The following RPS19 variants were observed in gnomAD, a reference collection of about 807,000 sequenced individuals.
RPS19 encodes the protein ribosomal protein S19.
Under a neutral mutation model 20.3 loss-of-function variants are expected in RPS19, and 1 was observed. The ratio of observed to expected loss-of-function variants is 0.05; its 90% CI spans 0.02 to 0.23. The LOEUF is 0.23. Among genes scored for constraint, RPS19 ranks in the 10% least tolerant of loss-of-function variants. The pLI is 1.00. For synonymous variants in RPS19, 87 were observed against 74.8 expected (o/e 1.16, Z -0.84); for missense variants, 111 against 192.7 (o/e 0.58, Z 2.51).
In RPS19 at chr19:41,868,755, G is replaced by A. The variant is rs1232315876; in HGVS notation, c.173-276G>A. On this transcript the variant is annotated intron_variant, in intron 3 of 5. Coordinates refer to ENST00000598742, the MANE Select transcript of RPS19 (RefSeq NM_001022.4). ...TAGGCTCCACCCCTACATAACCTCA[G>A]GTTCAATTCAACAGCAGTGCTGCTG... Among the ~76,000 whole-genome samples the A allele has an allele frequency of 4.6e-5, 7 of 152,264 alleles. 1 individual carries two copies. The highest frequency in any genetic ancestry group is 1.7e-4 in the African/African-American group (7 of 41,554).
At chr19:41,862,246 C>T (rs1443545553) in intron 3 of RPS19, among the ~76,000 whole-genome samples, 1 of 152,202 alleles carries the variant, frequency 6.6e-6, no homozygotes, top group African/African-American at 2.4e-5. Flanking sequence ...TTGTGGTACA[C>T]TTGTGCCTCA....
intron 1 of RPS19, 154 bp downstream of exon 1, chr19:41,860,443 C>T (rs1454781070): frequency 5.8e-6 from 2 of 346,916 alleles, no homozygotes; most frequent in Non-Finnish European, 1.1e-5. Context: ...CCGGACATGC[C>T]CGGTCAGCGC....
intron 5 of RPS19, among the ~76,000 whole-genome samples, chr19:41,870,413 TAAGG>T (rs763335191): frequency 6.6e-6 from 1 of 152,010 alleles, no homozygotes; most frequent in Non-Finnish European, 1.5e-5. Flanking sequence ...GAGGTGGAGA[TAAGG>T]GAGGGGGGCT....
intron 3 of RPS19, 71 bp downstream of exon 3, chr19:41,861,283 T>C: frequency 8.9e-7 from 1 of 1,122,718 alleles, no homozygotes; most frequent in Non-Finnish European, 1.4e-6. Context: ...TACTTCCCTG[T>C]CTCCTCTGAG....
At position 41,870,848 on chromosome 19, in the gene RPS19, C is replaced by CTTTTTTTTTTTTTTTTTTTTTTTT. The variant is rs2074139987; in HGVS notation, c.412-503_412-502insTTTTTTTTTTTTTTTTTTTTTTTT. Among the ~76,000 whole-genome samples, 4 of 85,766 alleles carry CTTTTTTTTTTTTTTTTTTTTTTTT rather than the reference C, an allele frequency of 4.7e-5. 1 individual carries two copies. Among genetic ancestry groups the CTTTTTTTTTTTTTTTTTTTTTTTT allele is most frequent in the African/African-American group, 8.9e-5 (2 of 22,542 alleles). The allele number at this position is 85,766 out of a possible 152,430, so 56.3% of individuals were successfully genotyped here. On this transcript the variant is annotated intron_variant, in intron 5 of 5. Coordinates refer to ENST00000598742, the MANE Select transcript of RPS19 (RefSeq NM_001022.4). ...TTGGACTCCACTCCGCCACTCCCTT[C>CTTTTTTTTTTTTTTTTTTTTTTTT]CTTTTTTTTTTTTTTTTTTTTTTTT...
chr19:41,860,425 C>T (rs758448270), intron 1 of RPS19, 136 bp downstream of exon 1: 1 of 252,384 alleles, frequency 4.0e-6, no homozygotes. Flanking sequence ...CACGTGCGAG[C>T]GGCAGGCCCG....
intron 3 of RPS19, chr19:41,861,574 C>G: frequency 2.8e-6 from 1 of 360,796 alleles, no homozygotes; most frequent in South Asian, 2.3e-5. Flanking sequence ...AGTTGGTTAA[C>G]CTGCCTGTGC....
Position 41,860,887 on chromosome 19 carries a change from G to T in RPS19, c.71+42G>T, listed in dbSNP as rs113779556. ...AGGTTCAAAACGGGTGGAGGCTGTC[G>T]CCTTGGCCTGCCCATCTGAGCCCCA... On this transcript the variant is annotated intron_variant, in intron 2 of 5. Coordinates refer to ENST00000598742, the MANE Select transcript of RPS19 (RefSeq NM_001022.4). 33 of 1,528,026 alleles carry T rather than the reference G, an allele frequency of 2.2e-5. No individual in the cohort carries two copies. In the Middle Eastern group the frequency reaches 6.7e-4, roughly 31 times the overall value. 94.7% of individuals were successfully genotyped at this position (1,528,026 alleles called of 1,614,324 possible). A position where few individuals can be genotyped will look rare whatever the true frequency, so the allele number is the denominator to read the frequency against.
intron 4 of RPS19, 59 bp downstream of exon 4, chr19:41,869,273 C>A: frequency 6.8e-7 from 1 of 1,476,376 alleles, no homozygotes; most frequent in Non-Finnish European, 9.4e-7. Flanking sequence ...GTCATCAATT[C>A]CCCAACGAAT....
chr19:41,871,878 G>A lies in RPS19; in HGVS notation c.*501G>A, dbSNP rs565663676. 4.0e-4 allele frequency: 74 copies of A among 185,986 alleles called. No individual in the cohort carries two copies. Among genetic ancestry groups the A allele is most frequent in the Non-Finnish European group, 7.4e-4 (65 of 87,586 alleles). 11.5% of individuals were successfully genotyped at this position (185,986 alleles called of 1,614,324 possible). Reference sequence around the variant, plus strand: ...TGGCTTCCGCTGGAGTAAAGCAAGAGGGCCCAGGGTTCATGCTCTTCCCTG... The same window carrying A: ...TGGCTTCCGCTGGAGTAAAGCAAGAAGGCCCAGGGTTCATGCTCTTCCCTG... On this transcript the variant is annotated 3_prime_UTR_variant, in exon 6 of 6. Transcript: ENST00000598742.
In RPS19 at chr19:41,861,015, T is replaced by C. The variant is rs1234320117; in HGVS notation, c.72-97T>C. 2.6e-6 allele frequency: 3 copies of C among 1,134,244 alleles called. No homozygotes were observed. The African/African-American group carries it at 4.6e-5, about 17-fold the overall frequency. 70.3% of individuals were successfully genotyped at this position (1,134,244 alleles called of 1,614,324 possible). ...CCGGTTCCAGCCTCTCTTTGTACTC[T>C]GGGCACAGCATAGTTGTGTTGAGGG... On this transcript the variant is annotated intron_variant, in intron 2 of 5. Transcript: ENST00000598742.
At chr19:41,869,282 AT>A in intron 4 of RPS19, 68 bp downstream of exon 4, 1 of 1,395,476 alleles carries the variant, frequency 7.2e-7, no homozygotes, top group Non-Finnish European at 1.0e-6. Flanking sequence ...TCCCCAACGA[AT>A]GGTCCTGCAT....
chr19:41,868,375 C>T (rs536911364), intron 3 of RPS19, among the ~76,000 whole-genome samples: 1 of 152,308 alleles, frequency 6.6e-6, no homozygotes, highest in East Asian at 1.9e-4. Context: ...GTAACCCGGC[C>T]CTCAGGTGAA....
chr19:41,869,253 T>C, intron 4 of RPS19, 39 bp downstream of exon 4: 4 of 1,567,262 alleles, frequency 2.6e-6, no homozygotes, highest in Non-Finnish European at 3.5e-6. Context: ...TGGAGTAGCC[T>C]TGAGGCCCGG....
At position 41,871,604 on chromosome 19, in the gene RPS19, C is replaced by T. The variant is rs1209332199; in HGVS notation, c.*227C>T. 1 of 531,476 alleles carries T rather than the reference C, an allele frequency of 1.9e-6. No homozygotes were observed. The highest frequency in any genetic ancestry group is 3.4e-6 in the Non-Finnish European group (1 of 295,338). 32.9% of individuals were successfully genotyped at this position (531,476 alleles called of 1,614,324 possible). A position where few individuals can be genotyped will look rare whatever the true frequency, so the allele number is the denominator to read the frequency against. ...GTCTGGTTTGGGTCTCTTGATTGTTCTTCAGGGGCATGAGGAAGAGGCGCT... is the reference window on the plus strand; with the variant it reads ...GTCTGGTTTGGGTCTCTTGATTGTTTTTCAGGGGCATGAGGAAGAGGCGCT... On this transcript the variant is annotated 3_prime_UTR_variant, in exon 6 of 6. Transcript: ENST00000598742.
chr19:41,867,288 A>G (rs1365853873), intron 3 of RPS19, among the ~76,000 whole-genome samples: 1 of 151,564 alleles, frequency 6.6e-6, no homozygotes, highest in Non-Finnish European at 1.5e-5. Flanking sequence ...AAAGTATAAT[A>G]TTTGCATATA....
chr19:41,863,868 CAG>C (rs2074058438), intron 3 of RPS19: 5 of 116,056 alleles, frequency 4.3e-5, no homozygotes, highest in East Asian at 2.7e-4. Context: ...TTTTTTTAAA[CAG>C]AGTTGCACTG....
chr19:41,866,025 G>A (rs575849865), intron 3 of RPS19, among the ~76,000 whole-genome samples: 13 of 151,598 alleles, frequency 8.6e-5, no homozygotes, highest in Non-Finnish European at 5.9e-5. Context: ...AGGCCGAGGC[G>A]GGCGGATCAG....
chr19:41,869,086 C>A lies in RPS19; in HGVS notation c.228C>A (p.Thr76=), dbSNP rs150698089. 41 of 1,613,662 alleles carry A rather than the reference C, an allele frequency of 2.5e-5. No individual in the cohort carries two copies. Among genetic ancestry groups the A allele is most frequent in the Non-Finnish European group, 3.4e-5 (40 of 1,179,852 alleles). Residue 76 remains threonine, a synonymous_variant, in exon 4 of 6, where the codon ACC becomes ACA. Coordinates refer to ENST00000598742, the MANE Select transcript of RPS19 (RefSeq NM_001022.4). ...LRGGAGVGSM[T]KIYGGRQRNG... is the part of the protein sequence containing the mutation. ...GTGGCGCTGGGGTTGGCTCCATGAC[C>A]AAGATCTATGGGGGACGTCAGAGAA...
Sources: gnomAD v4.1 joint callset for allele counts (sites outside exome capture counted in the v4.1 genomes callset) on GRCh38, gnomAD v4.1.1 for gene constraint, MANE v1.5 for transcripts, NCBI Gene and HGNC (gene_info 2026-07-23, HGNC 2026-07-21) for gene names.